Variants in GRIA3 observed in about 807,000 individuals in gnomAD.
The protein encoded by GRIA3 is glutamate receptor 3.
GRIA3 carries 3 observed loss-of-function variants against 63.0 expected under a neutral mutation model. The ratio of observed to expected loss-of-function variants is 0.05; its 90% CI spans 0.02 to 0.12. GRIA3 has a LOEUF of 0.12. GRIA3 is among the 10% of genes least tolerant of loss of function. The probability of loss-of-function intolerance (pLI) is 1.00; values close to 1 mark genes in which losing one functional copy is unlikely to be tolerated. For missense variants in GRIA3, 347 were observed against 700.9 expected (o/e 0.50, Z 5.70); for synonymous variants, 274 against 257.9 (o/e 1.06, Z -0.60).
rs748103017 is a variant in GRIA3, at chrX:123,312,328, G to A, written c.509-13698G>A. 1.3e-4 allele frequency among the ~76,000 whole-genome samples: 15 copies of A among 112,071 alleles called. No homozygotes were observed. In the South Asian group the frequency reaches 5.2e-3, roughly 39 times the overall value. On this transcript the variant is annotated intron_variant, in intron 3 of 15. Coordinates refer to ENST00000620443, the MANE Select transcript of GRIA3 (RefSeq NM_007325.5). The stretch of plus-strand genomic sequence containing the variant: ...TAATAGAAGATGGATGTGAGAGCTC[G>A]GAATCTTCGTTTCCCACTATCTCAA...
intron 4 of GRIA3, among the ~76,000 whole-genome samples, chrX:123,347,443 T>A (rs1250609817): frequency 8.9e-6 from 1 of 112,293 alleles, no homozygotes; most frequent in Non-Finnish European, 1.9e-5. Context: ...TTACTTTTAT[T>A]CGAAAATATA....
chrX:123,338,084 G>C (rs889556860), intron 4 of GRIA3, among the ~76,000 whole-genome samples: 2 of 111,593 alleles, frequency 1.8e-5, no homozygotes, highest in African/African-American at 6.5e-5. Flanking sequence ...TGCAAGCAGT[G>C]GCAGAAAAGT....
chrX:123,251,563 G>A (rs1287960595), intron 2 of GRIA3, among the ~76,000 whole-genome samples: 2 of 111,184 alleles, frequency 1.8e-5, no homozygotes, highest in African/African-American at 3.3e-5. Context: ...AGCCTCCCGA[G>A]TAGCTGTGAC....
At chrX:123,342,543 A>C (rs1286452139) in intron 4 of GRIA3, among the ~76,000 whole-genome samples, 1 of 112,176 alleles carries the variant, frequency 8.9e-6, no homozygotes, top group Non-Finnish European at 1.9e-5. Context: ...TCAGAGCTTC[A>C]GGGACTGAGT....
chrX:123,413,573 C>T (rs1302762001), intron 10 of GRIA3, among the ~76,000 whole-genome samples: 4 of 83,459 alleles, frequency 4.8e-5, no homozygotes, highest in Admixed American at 3.0e-4. Flanking sequence ...AAAAAAAACA[C>T]TCTGCTAGCT....
At chrX:123,375,074 C>T (rs2045275520) in intron 5 of GRIA3, among the ~76,000 whole-genome samples, 1 of 111,482 alleles carries the variant, frequency 9.0e-6, no homozygotes. Context: ...AGCTGTGGGA[C>T]TGTCATATGG....
At chrX:123,357,895 T>A (rs1403153082) in intron 5 of GRIA3, among the ~76,000 whole-genome samples, 1 of 111,492 alleles carries the variant, frequency 9.0e-6, no homozygotes, top group Non-Finnish European at 1.9e-5. Flanking sequence ...TTCATTTGAA[T>A]TCAGCCGTGT....
chrX:123,237,470 G>A (rs760671703), intron 2 of GRIA3, among the ~76,000 whole-genome samples: 2 of 112,136 alleles, frequency 1.8e-5, no homozygotes, highest in South Asian at 7.4e-4. Context: ...AAATAAGACA[G>A]AGTGTGCTCA....
At chrX:123,470,528 T>C (rs1487781514) in intron 13 of GRIA3, among the ~76,000 whole-genome samples, 1 of 111,960 alleles carries the variant, frequency 8.9e-6, no homozygotes, top group Non-Finnish European at 1.9e-5. Context: ...GCTATCTTTG[T>C]TTTTTTAAAT....
chrX:123,411,730 T>C (rs889876839), intron 10 of GRIA3, among the ~76,000 whole-genome samples: 3 of 111,401 alleles, frequency 2.7e-5, no homozygotes, highest in Non-Finnish European at 5.6e-5. Context: ...GGCTGCTTGA[T>C]TAAAATCCTT....
chrX:123,355,081 G>C, intron 5 of GRIA3, 118 bp downstream of exon 5: 1 of 581,144 alleles, frequency 1.7e-6, no homozygotes, highest in Non-Finnish European at 3.0e-6. Context: ...TTGGAGAAAT[G>C]ACTTCGGTAA....
At chrX:123,355,428 T>C (rs2045126267) in intron 5 of GRIA3, among the ~76,000 whole-genome samples, 1 of 112,159 alleles carries the variant, frequency 8.9e-6, no homozygotes, top group Non-Finnish European at 1.9e-5. Context: ...TGCCAAAGTG[T>C]ATAGCCACCT....
intron 3 of GRIA3, among the ~76,000 whole-genome samples, chrX:123,308,589 G>A (rs1208226483): frequency 2.7e-5 from 3 of 111,688 alleles, no homozygotes; most frequent in Non-Finnish European, 5.6e-5. Flanking sequence ...GAATTTTTAG[G>A]GTAACCAGGG....
chrX:123,361,344 A>G (rs1166045958), intron 5 of GRIA3: 1 of 111,703 alleles, frequency 9.0e-6, no homozygotes, highest in African/African-American at 3.3e-5. Flanking sequence ...GTGATCACTG[A>G]CACCTCAGCA....
At chrX:123,265,303 G>T (rs1473264645) in intron 3 of GRIA3, among the ~76,000 whole-genome samples, 1 of 111,426 alleles carries the variant, frequency 9.0e-6, no homozygotes, top group Non-Finnish European at 1.9e-5. Context: ...TATAACTTTG[G>T]ACTCTCTCAA....
rs1186942230 is a variant in GRIA3 at position 123,480,081 on chromosome X, A to G, written c.2343A>G (p.Ala781=). 8.4e-7 allele frequency: 1 copy of G among 1,188,954 alleles called. No homozygotes were observed. ...CGTGAAGAACGCCTGTAAACCTTGC[A>G]GTATTGAAACTCAGTGAACAAGGCA... ...GSALRTPVNL[A]VLKLSEQGIL... Residue 781 remains alanine, a synonymous_variant, in exon 14 of 16, where the codon GCA becomes GCG. Transcript: ENST00000620443.
At chrX:123,483,918 T>C (rs2045927359) in intron 15 of GRIA3, among the ~76,000 whole-genome samples, 2 of 97,441 alleles carry the variant, frequency 2.1e-5, no homozygotes, top group South Asian at 5.7e-4. Flanking sequence ...GGTGACAGTG[T>C]GAGACTCCAT....
intron 2 of GRIA3, among the ~76,000 whole-genome samples, chrX:123,233,212 CCTAA>C (rs1426641485): frequency 9.0e-6 from 1 of 111,534 alleles, no homozygotes; most frequent in Non-Finnish European, 1.9e-5. Flanking sequence ...ACAGTGTGCT[CCTAA>C]CTACTTGTCT....
chrX:123,189,773 C>T (rs1411549762), intron 2 of GRIA3, among the ~76,000 whole-genome samples: 2 of 112,161 alleles, frequency 1.8e-5, no homozygotes, highest in Non-Finnish European at 3.8e-5. Flanking sequence ...GAGAATAGGA[C>T]TTAGGAGTGC....
Sources: gnomAD v4.1 joint callset for allele counts (sites outside exome capture counted in the v4.1 genomes callset) on GRCh38, gnomAD v4.1.1 for gene constraint, MANE v1.5 for transcripts, NCBI Gene and HGNC (gene_info 2026-07-23, HGNC 2026-07-21) for gene names.